Variants in KSR2 observed in about 807,000 individuals in gnomAD.
KSR2 encodes kinase suppressor of ras 2.
KSR2 carries 25 observed loss-of-function variants against 107.8 expected under a neutral mutation model. The observed-to-expected ratio is 0.23, with a 90% CI of 0.17 to 0.32. KSR2 has a LOEUF of 0.32. Ranked by LOEUF, KSR2 falls within the 10% of genes least tolerant of loss-of-function variation. KSR2 has a pLI of 1.00. For missense variants in KSR2, 887 were observed against 1,268.9 expected (o/e 0.70, Z 4.57); for synonymous variants, 480 against 507.0 (o/e 0.95, Z 0.71).
chr12:117,924,175 G>A lies in KSR2; in HGVS notation c.180+43901C>T, dbSNP rs146402715. 7.8e-3 allele frequency among the ~76,000 whole-genome samples: 1,185 copies of A among 151,658 alleles called. 13 individuals carry two copies. Among genetic ancestry groups the A allele is most frequent in the African/African-American group, 0.027 (1,102 of 41,386 alleles). On this transcript the variant is annotated intron_variant, in intron 1 of 19. Transcript: ENST00000339824. ...TTACAGGCGTGAGCCACTGCGCCCG[G>A]CCTATATTTGCTTTTTTAATAGAGG...
At position 117,602,826 on chromosome 12, in the gene KSR2, T is replaced by C. The variant is rs4767575; in HGVS notation, c.1172-20467A>G. Among the ~76,000 whole-genome samples the C allele has an allele frequency of 1.9e-3, 293 of 152,358 alleles. 5 individuals carry two copies. Among genetic ancestry groups the C allele is most frequent in the Admixed American group, 0.014 (220 of 15,310 alleles). Reference sequence around the variant, plus strand: ...CCCTTATTTGGAACCCCACTGGGCCTGAGCTCTTTTTCATTGCCAAAGCCC... The same window carrying C: ...CCCTTATTTGGAACCCCACTGGGCCCGAGCTCTTTTTCATTGCCAAAGCCC... On this transcript the variant is annotated intron_variant, in intron 5 of 19. Transcript: ENST00000339824.
intron 3 of KSR2, among the ~76,000 whole-genome samples, chr12:117,822,901 A>G (rs909442654): frequency 6.6e-6 from 1 of 152,214 alleles, no homozygotes; most frequent in African/African-American, 2.4e-5. Flanking sequence ...AAAAACTGGG[A>G]CATGTACTAC....
At chr12:117,778,322 C>T (rs918165390) in intron 3 of KSR2, among the ~76,000 whole-genome samples, 1 of 152,102 alleles carries the variant, frequency 6.6e-6, no homozygotes, top group African/African-American at 2.4e-5. Context: ...AACTCCTGAC[C>T]TCAGGTGATC....
chr12:117,624,831 C>T (rs1882387102), intron 5 of KSR2, among the ~76,000 whole-genome samples: 2 of 152,308 alleles, frequency 1.3e-5, no homozygotes, highest in South Asian at 4.1e-4. Context: ...TCTTCCTATC[C>T]ATGAGCATGG....
chr12:117,538,670 C>T (rs1876227041), intron 10 of KSR2, among the ~76,000 whole-genome samples: 1 of 152,216 alleles, frequency 6.6e-6, no homozygotes, highest in South Asian at 2.1e-4. Flanking sequence ...CAGCCACCAG[C>T]CACATGTGGC....
At chr12:117,614,662 G>C (rs938285091) in intron 5 of KSR2, among the ~76,000 whole-genome samples, 1 of 152,204 alleles carries the variant, frequency 6.6e-6, no homozygotes, top group Non-Finnish European at 1.5e-5. Context: ...ATAGTTTTCT[G>C]TCATACTTTT....
At chr12:117,698,878 G>T (rs990117693) in intron 4 of KSR2, among the ~76,000 whole-genome samples, 2 of 152,082 alleles carry the variant, frequency 1.3e-5, no homozygotes, top group African/African-American at 4.8e-5. Flanking sequence ...CTTACTGGCT[G>T]CCCCAGGGCC....
chr12:117,754,057 GGAAAA>G (rs1888703878), intron 4 of KSR2, among the ~76,000 whole-genome samples: 1 of 149,544 alleles, frequency 6.7e-6, no homozygotes, highest in Admixed American at 6.7e-5. Context: ...TAAAAAGAAA[GGAAAA>G]GAAGAAAATA....
At chr12:117,772,312 A>G (rs1889512115) in intron 3 of KSR2, among the ~76,000 whole-genome samples, 1 of 143,026 alleles carries the variant, frequency 7.0e-6, no homozygotes, top group Non-Finnish European at 1.5e-5. Flanking sequence ...TCCCCCAAAG[A>G]CGCACAAACA....
At chr12:117,862,856 A>T (rs1893355256) in intron 1 of KSR2, among the ~76,000 whole-genome samples, 1 of 151,080 alleles carries the variant, frequency 6.6e-6, no homozygotes, top group African/African-American at 2.4e-5. Context: ...CACCCTCCCG[A>T]GTAGCTGGCA....
intron 4 of KSR2, among the ~76,000 whole-genome samples, chr12:117,715,948 T>C (rs549793585): frequency 6.6e-6 from 1 of 152,302 alleles, no homozygotes; most frequent in East Asian, 1.9e-4. Flanking sequence ...TGCACATGTC[T>C]TCTCTCTCCC....
chr12:117,691,392 A>G (rs1885810213), intron 4 of KSR2, among the ~76,000 whole-genome samples: 1 of 152,138 alleles, frequency 6.6e-6, no homozygotes, highest in Admixed American at 6.5e-5. Flanking sequence ...AGCCACAGCC[A>G]CCTAGGAAAC....
chr12:117,793,254 CCT>C (rs1490224108), intron 3 of KSR2, among the ~76,000 whole-genome samples: 8 of 103,548 alleles, frequency 7.7e-5, no homozygotes, highest in South Asian at 6.8e-4. Context: ...CTGCACACAC[CCT>C]CACACCAACA....
chr12:117,968,363 A>G lies in KSR2; in HGVS notation c.-108T>C. 2 of 1,398,962 alleles carry G rather than the reference A, an allele frequency of 1.4e-6. No individual in the cohort carries two copies. The highest frequency in any genetic ancestry group is 3.3e-5 in the Admixed American group (1 of 30,488). 86.7% of individuals were successfully genotyped at this position (1,398,962 alleles called of 1,614,324 possible). On this transcript the variant is annotated 5_prime_UTR_variant, in exon 1 of 20. Coordinates refer to ENST00000339824, the MANE Select transcript of KSR2 (RefSeq NM_173598.6). ...CCTCTCCAACCACTGCGACTTCTCA[A>G]CAATGTCTCATGAAGAAGAAATCCA...
chr12:117,928,696 G>T (rs1046510829), intron 1 of KSR2, among the ~76,000 whole-genome samples: 1 of 152,204 alleles, frequency 6.6e-6, no homozygotes, highest in Non-Finnish European at 1.5e-5. Flanking sequence ...AAGCAGAATT[G>T]CTAGATCATA....
At position 117,456,774 on chromosome 12, in the gene KSR2, A is replaced by G. The variant is rs1398244732; in HGVS notation, c.*10425T>C. On this transcript the variant is annotated 3_prime_UTR_variant, in exon 20 of 20. Coordinates refer to ENST00000339824, the MANE Select transcript of KSR2 (RefSeq NM_173598.6). ...GGACCTACAGAGGCCATCCTCACCC[A>G]CTGCCTGTCTCCATGCCCAAATCAG... The G allele has an allele frequency of 6.6e-6, 1 of 152,234 alleles. No homozygotes were observed. Among genetic ancestry groups the G allele is most frequent in the Admixed American group, 6.5e-5 (1 of 15,290 alleles). 9.4% of individuals were successfully genotyped at this position (152,234 alleles called of 1,614,324 possible). A position where few individuals can be genotyped will look rare whatever the true frequency, so the allele number is the denominator to read the frequency against.
At chr12:117,469,819 A>T (rs943658870) in intron 18 of KSR2, 24 bp from the exon 19 acceptor site, 6 of 1,612,860 alleles carry the variant, frequency 3.7e-6, no homozygotes, top group Non-Finnish European at 5.1e-6. Flanking sequence ...ATGTGTGGTG[A>T]TTACACATAA....
chr12:117,488,099 C>T (rs1872564863), intron 14 of KSR2, among the ~76,000 whole-genome samples: 1 of 152,164 alleles, frequency 6.6e-6, no homozygotes, highest in Admixed American at 6.5e-5. Context: ...AGTTCCCCTG[C>T]ACAAGCGCTC....
chr12:117,689,455 G>A (rs1404293901), intron 4 of KSR2, among the ~76,000 whole-genome samples: 2 of 152,238 alleles, frequency 1.3e-5, no homozygotes, highest in Non-Finnish European at 1.5e-5. Context: ...CACAGGCTTT[G>A]CAGGCCATGC....
Sources: allele counts gnomAD v4.1 joint callset (sites outside exome capture counted in the v4.1 genomes callset), GRCh38; gene constraint gnomAD v4.1.1; transcripts MANE v1.5; gene names NCBI Gene and HGNC (gene_info 2026-07-23, HGNC 2026-07-21).